Variants in THRB observed in about 807,000 individuals in gnomAD.
THRB encodes the protein nuclear receptor subfamily 1 group A member 2.
Under a neutral mutation model 47.8 loss-of-function variants are expected in THRB, and 12 were observed. The observed-to-expected ratio is 0.25, with a 90% confidence interval of 0.16 to 0.41. The LOEUF (loss-of-function observed/expected upper bound fraction) is 0.41, where lower values mean the gene tolerates loss of function less well. Among genes scored for constraint, THRB ranks in the 10% least tolerant of loss-of-function variants. THRB has a pLI of 1.00. For synonymous variants in THRB, 218 were observed against 212.2 expected, an observed-to-expected ratio of 1.03 and a Z score of -0.24; for missense variants, 348 against 589.2, an observed-to-expected ratio of 0.59 and a Z score of 4.24.
At chr3:24,180,573 G>C (rs534750418) in intron 5 of THRB, among the ~76,000 whole-genome samples, 15 of 152,304 alleles carry the variant, frequency 9.8e-5, no homozygotes, top group African/African-American at 3.4e-4. Flanking sequence ...CTGGACCTTG[G>C]AGAATTTCTG....
At chr3:24,290,868 G>T (rs188984073) in intron 3 of THRB, among the ~76,000 whole-genome samples, 337 of 152,234 alleles carry the variant, frequency 2.2e-3, no homozygotes, top group African/African-American at 7.5e-3. Context: ...ATAATTCTTG[G>T]AATTTTCTTG....
chr3:24,390,407 G>C (rs1416155791), intron 1 of THRB, among the ~76,000 whole-genome samples: 1 of 151,832 alleles, frequency 6.6e-6, no homozygotes, highest in Admixed American at 6.6e-5. Context: ...TGACATATCA[G>C]CATATATAAT....
chr3:24,199,482 T>C (rs564989050), intron 4 of THRB, among the ~76,000 whole-genome samples: 2 of 152,182 alleles, frequency 1.3e-5, no homozygotes, highest in South Asian at 4.1e-4. Flanking sequence ...ATTTCATTGG[T>C]GGGGATTATC....
chr3:24,190,234 G>A lies in THRB; in HGVS notation c.123C>T (p.Ser41=). 6.2e-7 allele frequency: 1 copy of A among 1,614,030 alleles called. No homozygotes were observed. Among genetic ancestry groups the A allele is most frequent in the Non-Finnish European group, 8.5e-7 (1 of 1,179,964 alleles). Residue 41 remains serine (S), a synonymous_variant, in exon 5 of 11, where the codon AGC becomes AGT. Transcript: ENST00000646209. ...TCAACGTGCTGCGCCTCTCTGAATGGCTCTTCCTATGTAGGCAGGCTTCAG... is the reference window on the plus strand; with the variant it reads ...TCAACGTGCTGCGCCTCTCTGAATGACTCTTCCTATGTAGGCAGGCTTCAG... ...GMSEACLHRK[S]HSERRSTLKN...
At chr3:24,495,012 C>A (rs1698831995), upstream of THRB, 1 of 152,208 alleles carries the variant, frequency 6.6e-6, no homozygotes, top group African/African-American at 2.4e-5. Flanking sequence ...GCCGCACCTC[C>A]CCGGTCTCTC....
At chr3:24,331,003 G>A (rs947013445) in intron 2 of THRB, among the ~76,000 whole-genome samples, 1 of 152,046 alleles carries the variant, frequency 6.6e-6, no homozygotes, top group Non-Finnish European at 1.5e-5. Flanking sequence ...CCAGTGTATC[G>A]TGCACCATGG....
At chr3:24,247,613 CT>C (rs2050232598) in intron 3 of THRB, among the ~76,000 whole-genome samples, 2 of 152,174 alleles carry the variant, frequency 1.3e-5, no homozygotes, top group African/African-American at 4.8e-5. Context: ...CCTTTTTACA[CT>C]GTATTTTTTC....
At chr3:24,197,570 C>T (rs188218202) in intron 4 of THRB, among the ~76,000 whole-genome samples, 87 of 152,286 alleles carry the variant, frequency 5.7e-4, no homozygotes, top group Non-Finnish European at 1.1e-3. Flanking sequence ...TCTTAATCTC[C>T]ACAGGTCTAA....
chr3:24,400,928 A>G (rs554797897), intron 1 of THRB, among the ~76,000 whole-genome samples: 1 of 152,038 alleles, frequency 6.6e-6, no homozygotes, highest in Admixed American at 6.6e-5. Flanking sequence ...ACAAAATATT[A>G]TCTGGCTTGG....
intron 3 of THRB, among the ~76,000 whole-genome samples, chr3:24,275,992 G>T (rs1436195699): frequency 6.6e-6 from 1 of 151,672 alleles, no homozygotes; most frequent in Non-Finnish European, 1.5e-5. Context: ...AAATGTCCAG[G>T]GACTGCAAGA....
chr3:24,326,016 G>C (rs1178075865), intron 2 of THRB, among the ~76,000 whole-genome samples: 1 of 151,818 alleles, frequency 6.6e-6, no homozygotes, highest in South Asian at 2.1e-4. Context: ...ATTCTTCTAG[G>C]CTTGATACAA....
chr3:24,296,076 T>C (rs2056424304), intron 3 of THRB, among the ~76,000 whole-genome samples: 1 of 152,230 alleles, frequency 6.6e-6, no homozygotes, highest in Non-Finnish European at 1.5e-5. Flanking sequence ...AGTTTTCTCT[T>C]TCCTACATTT....
chr3:24,458,246 T>C (rs2073369397), intron 1 of THRB: 1 of 152,190 alleles, frequency 6.6e-6, no homozygotes, highest in South Asian at 2.1e-4. Flanking sequence ...CAGCCAAAGT[T>C]GGCTGACTGT....
intron 10 of THRB, among the ~76,000 whole-genome samples, chr3:24,123,559 T>C (rs1331367290): frequency 2.0e-5 from 3 of 152,166 alleles, no homozygotes; most frequent in Admixed American, 6.5e-5. Flanking sequence ...ACTGGGGACA[T>C]TGCAGCAGGC....
intron 1 of THRB, among the ~76,000 whole-genome samples, chr3:24,399,563 T>C (rs544800776): frequency 1.6e-4 from 25 of 152,196 alleles, no homozygotes; most frequent in Non-Finnish European, 3.1e-4. Flanking sequence ...GTTGCAGTCC[T>C]TGAAGCTGGC....
In THRB at chr3:24,279,304, G is replaced by A. The variant is rs543335809; in HGVS notation, c.-43+17922C>T. ...ATTGAAAAACACCTGGAAAGTTCAT[G>A]AGAGAGAAGTGAATCAGTGAAAGAA... On this transcript the variant is annotated intron_variant, in intron 3 of 10. Coordinates refer to ENST00000646209, the MANE Select transcript of THRB (RefSeq NM_001354712.2). Among the ~76,000 whole-genome samples, 82 of 152,262 alleles carry A rather than the reference G, an allele frequency of 5.4e-4. 1 individual carries two copies. Among genetic ancestry groups the A allele is most frequent in the Middle Eastern group, 3.4e-3 (1 of 294 alleles).
chr3:24,407,210 C>A (rs1213061201), intron 1 of THRB, among the ~76,000 whole-genome samples: 1 of 151,778 alleles, frequency 6.6e-6, no homozygotes, highest in East Asian at 2.0e-4. Context: ...CCCCACCATG[C>A]CCTGGAGAAA....
At chr3:24,356,408 C>T (rs540650171) in intron 1 of THRB, among the ~76,000 whole-genome samples, 13 of 152,064 alleles carry the variant, frequency 8.5e-5, no homozygotes, top group Non-Finnish European at 1.5e-4. Flanking sequence ...GCTCTTCTCC[C>T]CTTTTCTTAA....
chr3:24,438,896 C>T (rs1234929967), intron 1 of THRB, among the ~76,000 whole-genome samples: 3 of 152,068 alleles, frequency 2.0e-5, no homozygotes, highest in Non-Finnish European at 4.4e-5. Context: ...GTAAGGATCC[C>T]CACAAGCAAA....
Sources: gnomAD v4.1 joint callset for allele counts (sites outside exome capture counted in the v4.1 genomes callset) on GRCh38, gnomAD v4.1.1 for gene constraint, MANE v1.5 for transcripts, NCBI Gene and HGNC (gene_info 2026-07-23, HGNC 2026-07-21) for gene names.